Variants in ADARB2 observed in about 807,000 individuals in gnomAD.
The protein encoded by ADARB2 is adenosine deaminase RNA specific B2 (inactive).
In ADARB2, 25 loss-of-function variants were observed where a neutral mutation model predicts 62.2. That is an observed-to-expected ratio of 0.40 (90% CI 0.29 to 0.56). ADARB2 has a LOEUF of 0.56. Among genes scored for constraint, ADARB2 ranks in the 20% least tolerant of loss-of-function variants. ADARB2 has a pLI of 0.43. For missense variants in ADARB2, 1,071 were observed against 1,077.4 expected (o/e 0.99, Z 0.08); for synonymous variants, 572 against 500.8 (o/e 1.14, Z -1.90).
intron 3 of ADARB2, chr10:1,293,007 AGAGAGGGAGGG>A (rs1292217544): frequency 6.3e-4 from 31 of 49,366 alleles, no homozygotes; most frequent in East Asian, 1.7e-3. Context: ...GGAGGGAAGG[AGAGAGGGAGGG>A]GAGAGAGAGG....
At chr10:1,319,080 C>T (rs1438665751) in intron 3 of ADARB2, among the ~76,000 whole-genome samples, 6 of 152,216 alleles carry the variant, frequency 3.9e-5, no homozygotes, top group Non-Finnish European at 4.4e-5. Context: ...ACCCATGCCA[C>T]ATTGTGACAG....
At chr10:1,563,836 T>G (rs1253008959) in intron 1 of ADARB2, among the ~76,000 whole-genome samples, 5 of 142,376 alleles carry the variant, frequency 3.5e-5, no homozygotes, top group Non-Finnish European at 7.6e-5. Context: ...TGTGTCCATG[T>G]GTTCTCATTG....
intron 1 of ADARB2, among the ~76,000 whole-genome samples, chr10:1,517,629 G>C (rs751070529): frequency 6.6e-6 from 1 of 152,088 alleles, no homozygotes; most frequent in African/African-American, 2.4e-5. Context: ...GTGTCACCTC[G>C]CTTAATAATG....
chr10:1,695,767 G>C (rs1202015558), intron 1 of ADARB2, among the ~76,000 whole-genome samples: 1 of 152,162 alleles, frequency 6.6e-6, no homozygotes, highest in Non-Finnish European at 1.5e-5. Flanking sequence ...TGCATGTGTA[G>C]GTGTGTCTGT....
At chr10:1,577,879 T>A (rs531128184) in intron 1 of ADARB2, among the ~76,000 whole-genome samples, 3 of 152,266 alleles carry the variant, frequency 2.0e-5, no homozygotes, top group African/African-American at 7.2e-5. Context: ...CTGCCTGGTG[T>A]CCTTATAAAA....
rs1035418780 is a variant in ADARB2 at position 1,182,875 on chromosome 10, G to T, written c.*318C>A. The T allele has an allele frequency of 2.5e-5, 7 of 279,392 alleles. No homozygotes were observed. Among genetic ancestry groups the T allele is most frequent in the Non-Finnish European group, 4.1e-5 (6 of 146,076 alleles). The allele number at this position is 279,392 out of a possible 1,614,324, so 17.3% of individuals were successfully genotyped here. A position where few individuals can be genotyped will look rare whatever the true frequency, so the allele number is the denominator to read the frequency against. The stretch of plus-strand genomic sequence containing the variant: ...CTCACTCCTGCCTGGTGTCGTGTCG[G>T]TGCCTCCTTCCAAGGCTGCAGCTAA... On this transcript the variant is annotated 3_prime_UTR_variant, in exon 10 of 10. Coordinates refer to ENST00000381312, the MANE Select transcript of ADARB2 (RefSeq NM_018702.4).
intron 7 of ADARB2, among the ~76,000 whole-genome samples, chr10:1,205,263 T>C (rs72760998): frequency 0.2 from 27,166 of 136,940 alleles, 3,251 homozygotes; most frequent in Non-Finnish European, 0.3. Flanking sequence ...AGGGCCTTGT[T>C]GTTTTAGGGC....
chr10:1,369,521 A>T (rs1832347129), intron 2 of ADARB2, among the ~76,000 whole-genome samples: 1 of 152,212 alleles, frequency 6.6e-6, no homozygotes, highest in Admixed American at 6.5e-5. Context: ...CCAGCAGGGA[A>T]GATGATAGCG....
At chr10:1,622,692 T>C (rs1833719318) in intron 1 of ADARB2, among the ~76,000 whole-genome samples, 1 of 152,210 alleles carries the variant, frequency 6.6e-6, no homozygotes, top group Admixed American at 6.5e-5. Flanking sequence ...TTGGATGAAC[T>C]ATGAAAAGAG....
intron 3 of ADARB2, among the ~76,000 whole-genome samples, chr10:1,329,907 T>C (rs938426096): frequency 9.7e-5 from 14 of 143,904 alleles, no homozygotes; most frequent in South Asian, 9.5e-4. Context: ...TCAGAACTAC[T>C]AAAGCCAGGT....
At chr10:1,571,265 T>A (rs1388222624) in intron 1 of ADARB2, among the ~76,000 whole-genome samples, 1 of 151,846 alleles carries the variant, frequency 6.6e-6, no homozygotes, top group Non-Finnish European at 1.5e-5. Context: ...TTTAGAAGTG[T>A]AACTTTTGAT....
chr10:1,548,462 G>T (rs773862293), intron 1 of ADARB2, among the ~76,000 whole-genome samples: 1 of 152,238 alleles, frequency 6.6e-6, no homozygotes, highest in Non-Finnish European at 1.5e-5. Flanking sequence ...CACTGACATG[G>T]TGAATACACT....
At chr10:1,424,296 C>T (rs534799380) in intron 1 of ADARB2, among the ~76,000 whole-genome samples, 171 of 152,278 alleles carry the variant, frequency 1.1e-3, no homozygotes, top group African/African-American at 3.9e-3. Context: ...GCGTTTAGGG[C>T]TACACACCTA....
At chr10:1,727,654 A>G (rs561173078) in intron 1 of ADARB2, among the ~76,000 whole-genome samples, 3 of 152,314 alleles carry the variant, frequency 2.0e-5, no homozygotes, top group Admixed American at 1.3e-4. Context: ...AATACAATAG[A>G]AATCTATTTT....
chr10:1,569,323 C>T (rs369534143), intron 1 of ADARB2, among the ~76,000 whole-genome samples: 9 of 152,308 alleles, frequency 5.9e-5, no homozygotes, highest in South Asian at 4.1e-4. Context: ...CCTCCAGCAG[C>T]GGCTGCTTCT....
At chr10:1,669,922 GCACACAGACACAAACA>G (rs1834362344) in intron 1 of ADARB2, among the ~76,000 whole-genome samples, 1 of 142,670 alleles carries the variant, frequency 7.0e-6, no homozygotes, top group Non-Finnish European at 1.5e-5. Context: ...ATAGAGAGAT[GCACACAGACACAAACA>G]CACACAGACA....
chr10:1,663,547 T>G (rs1834275575), intron 1 of ADARB2, among the ~76,000 whole-genome samples: 1 of 152,252 alleles, frequency 6.6e-6, no homozygotes, highest in Non-Finnish European at 1.5e-5. Context: ...TTGTAACCTT[T>G]GCAGATGGGC....
At chr10:1,521,162 G>T (rs1019457714) in intron 1 of ADARB2, among the ~76,000 whole-genome samples, 1 of 152,092 alleles carries the variant, frequency 6.6e-6, no homozygotes, top group East Asian at 1.9e-4. Flanking sequence ...TGTATTAGTC[G>T]TAGAAACTGC....
chr10:1,482,040 G>C (rs1226149629), intron 1 of ADARB2, among the ~76,000 whole-genome samples: 1 of 152,146 alleles, frequency 6.6e-6, no homozygotes, highest in African/African-American at 2.4e-5. Context: ...AAAACCATGA[G>C]AGACCACTTC....
Sources: gnomAD v4.1 joint callset for allele counts (sites outside exome capture counted in the v4.1 genomes callset) on GRCh38, gnomAD v4.1.1 for gene constraint, MANE v1.5 for transcripts, NCBI Gene and HGNC (gene_info 2026-07-23, HGNC 2026-07-21) for gene names.